The following CATSPERG variants were observed in gnomAD, a reference collection of about 807,000 sequenced individuals.
CATSPERG encodes the protein cation channel sperm-associated auxiliary subunit gamma.
Under a neutral mutation model 145.0 loss-of-function variants are expected in CATSPERG, and 115 were observed. The ratio of observed to expected loss-of-function variants is 0.79; its 90% CI spans 0.68 to 0.93. CATSPERG has a LOEUF of 0.93. CATSPERG is among the 40% of genes least tolerant of loss of function. The pLI is 0.00. For missense variants in CATSPERG, 1,296 were observed against 1,490.1 expected, an observed-to-expected ratio of 0.87 and a Z score of 2.14; for synonymous variants, 588 against 589.0, an observed-to-expected ratio of 1.00 and a Z score of 0.02.
At chr19:38,359,953 G>A (rs1970315379) in intron 14 of CATSPERG, 1 of 1,046,974 alleles carries the variant, frequency 9.6e-7, no homozygotes, top group South Asian at 3.4e-5. Flanking sequence ...GCCCCGTCTG[G>A]GGGCTTGTGC....
chr19:38,346,656 C>T (rs1171909789), intron 7 of CATSPERG, 51 bp downstream of exon 7: 4 of 1,493,614 alleles, frequency 2.7e-6, no homozygotes, highest in Admixed American at 4.1e-5. Flanking sequence ...GGGAGCTGGG[C>T]CTCAGCCCCT....
At position 38,368,253 on chromosome 19, in the gene CATSPERG, T is replaced by C. The variant is rs540331943; in HGVS notation, c.3020+116T>C. On this transcript the variant is annotated intron_variant, in intron 26 of 28. Coordinates refer to ENST00000409235, the MANE Select transcript of CATSPERG (RefSeq NM_021185.5). ...CCCCAAGTCACACTGACTGCCTTTGTGTTACTTAAATGGGGCTGAACTTTG... is the reference window on the plus strand; with the variant it reads ...CCCCAAGTCACACTGACTGCCTTTGCGTTACTTAAATGGGGCTGAACTTTG... 10 of 843,172 alleles carry C rather than the reference T, an allele frequency of 1.2e-5. 1 individual carries two copies. The South Asian group carries it at 1.5e-4, about 13-fold the overall frequency. The allele number at this position is 843,172 out of a possible 1,614,324, so 52.2% of individuals were successfully genotyped here.
At chr19:38,356,246 C>T (rs1970240353) in intron 9 of CATSPERG, among the ~76,000 whole-genome samples, 1 of 152,066 alleles carries the variant, frequency 6.6e-6, no homozygotes, top group Admixed American at 6.6e-5. Context: ...CCAGAGTAAA[C>T]TCTGATCGGC....
intron 7 of CATSPERG, 89 bp from the exon 8 acceptor site, chr19:38,352,172 G>A (rs968572928): frequency 1.4e-5 from 18 of 1,323,158 alleles, no homozygotes; most frequent in Non-Finnish European, 1.9e-5. Context: ...CTCCCAAGCA[G>A]CTGTCAGAGC....
At chr19:38,347,779 A>G (rs896988325) in intron 7 of CATSPERG, among the ~76,000 whole-genome samples, 2 of 152,022 alleles carry the variant, frequency 1.3e-5, no homozygotes, top group African/African-American at 4.8e-5. Flanking sequence ...TGTCTCTACT[A>G]GAAGTACAAA....
intron 11 of CATSPERG, among the ~76,000 whole-genome samples, chr19:38,357,654 T>C (rs1012055434): frequency 1.3e-5 from 2 of 151,558 alleles, no homozygotes; most frequent in Non-Finnish European, 1.5e-5. Flanking sequence ...TCATCTCTAC[T>C]AAAAATACAA....
At chr19:38,368,613 A>T (rs914659229) in intron 26 of CATSPERG, among the ~76,000 whole-genome samples, 1 of 152,204 alleles carries the variant, frequency 6.6e-6, no homozygotes, top group Non-Finnish European at 1.5e-5. Flanking sequence ...GCAAGATCTC[A>T]GCTCACTGCA....
At chr19:38,343,319 G>C (rs1969969167) in intron 3 of CATSPERG, among the ~76,000 whole-genome samples, 1 of 152,034 alleles carries the variant, frequency 6.6e-6, no homozygotes, top group Non-Finnish European at 1.5e-5. Flanking sequence ...TGCACATTCT[G>C]TCTGCAGACA....
Position 38,361,825 on chromosome 19 carries a change from C to G in CATSPERG, c.2058C>G (p.Val686=). Residue 686 remains valine, a synonymous_variant, in exon 17 of 29, where the codon GTC becomes GTG. Coordinates refer to ENST00000409235, the MANE Select transcript of CATSPERG (RefSeq NM_021185.5). ...CGCTCGCCATCTACCAGGGCCTGGT[C>G]TACTACCTGCTGTGGCTGCACTCCG... is the stretch of plus-strand genomic sequence containing the variant. The part of the protein sequence containing the change: ...ENSLAIYQGL[V]YYLLWLHSVY... The G allele has an allele frequency of 6.2e-7, 1 of 1,612,086 alleles. No homozygotes were observed. The highest frequency in any genetic ancestry group is 8.5e-7 in the Non-Finnish European group (1 of 1,179,292).
rs1011151673 is a variant in CATSPERG, at chr19:38,358,740, T to A, written c.1496+179T>A. ...ACCGTTAGGGTAGTCAGTGCTGGGATGGGGGAAGCCAATGTTTTAAAGCTG... is the reference window on the plus strand; with the variant it reads ...ACCGTTAGGGTAGTCAGTGCTGGGAAGGGGGAAGCCAATGTTTTAAAGCTG... On this transcript the variant is annotated intron_variant, in intron 13 of 28. Transcript: ENST00000409235. Among the ~76,000 whole-genome samples, 11 of 152,204 alleles carry A rather than the reference T, an allele frequency of 7.2e-5. 1 individual carries two copies. Among genetic ancestry groups the A allele is most frequent in the Admixed American group, 7.2e-4 (11 of 15,278 alleles).
intron 3 of CATSPERG, 34 bp from the exon 4 acceptor site, chr19:38,343,546 T>G (rs747022344): frequency 1.1e-5 from 16 of 1,517,116 alleles, no homozygotes; most frequent in Non-Finnish European, 1.4e-5. Flanking sequence ...GAGGCTACCA[T>G]AAGGACACAC....
At chr19:38,359,664 G>A in intron 14 of CATSPERG, 83 bp downstream of exon 14, 1 of 1,502,974 alleles carries the variant, frequency 6.7e-7, no homozygotes, top group Non-Finnish European at 8.9e-7. Flanking sequence ...TCACAGTAAA[G>A]GAGCCAAGGG....
chr19:38,339,647 CT>C (rs893814744), intron 3 of CATSPERG, among the ~76,000 whole-genome samples: 4 of 151,364 alleles, frequency 2.6e-5, no homozygotes, highest in Non-Finnish European at 4.4e-5. Flanking sequence ...AAATTTTTTT[CT>C]TTTTTTTGCT....
chr19:38,370,735 G>T lies in CATSPERG; in HGVS notation c.3423G>T (p.Arg1141Ser), dbSNP rs768111105. The T allele has an allele frequency of 3.7e-6, 6 of 1,614,068 alleles. No individual in the cohort carries two copies. Among genetic ancestry groups the T allele is most frequent in the Non-Finnish European group, 5.1e-6 (6 of 1,180,032 alleles). The change falls in exon 29 of 29, where the codon AGG (arginine) becomes AGT (serine). Residue 1141 changes from arginine to serine, a missense_variant. By Grantham distance (110) the Arg-to-Ser change is moderately radical. Transcript: ENST00000409235. ...GGATGGGCTCCATGTTCAGCTCCAG[G>T]ATGACAGAGGACAGGGCTGAACCCA... ...HSRMGSMFSS[R>S]MTEDRAEPKE...
intron 7 of CATSPERG, among the ~76,000 whole-genome samples, chr19:38,351,436 G>A (rs1970137546): frequency 6.6e-6 from 1 of 151,954 alleles, no homozygotes; most frequent in African/African-American, 2.4e-5. Flanking sequence ...GTGAAACCCT[G>A]TCTCTACTAA....
intron 22 of CATSPERG, chr19:38,366,582 G>C (rs1255318246): frequency 1.3e-5 from 2 of 153,434 alleles, no homozygotes; most frequent in Admixed American, 1.3e-4. Context: ...TGCATGGGGT[G>C]GGGGGACATC....
At chr19:38,354,603 C>T in intron 8 of CATSPERG, 107 bp from the exon 9 acceptor site, 1 of 1,336,210 alleles carries the variant, frequency 7.5e-7, no homozygotes. Flanking sequence ...GGTGCTTCAG[C>T]ATGAGAGGAC....
In CATSPERG at chr19:38,360,825, A is replaced by G. The variant is rs574110592; in HGVS notation, c.1862A>G (p.Tyr621Cys). The stretch of plus-strand genomic sequence containing the variant: ...ATGTATCAACAGCACACCAGCCACT[A>G]TGACTTGGAGCGGAAAGGGTGAGAA... Reference protein sequence around the residue: ...LLMYQQHTSHYDLERKGGYLM... With the variant: ...LLMYQQHTSHCDLERKGGYLM... Residue 621 changes from tyrosine (Y) to cysteine (C), a missense_variant, in exon 16 of 29, where the codon TAT (tyrosine) becomes TGT (cysteine). Physicochemically the swap from Tyr to Cys is radical, Grantham distance 194. Coordinates refer to ENST00000409235, the MANE Select transcript of CATSPERG (RefSeq NM_021185.5). 53 of 1,611,676 alleles carry G rather than the reference A, an allele frequency of 3.3e-5. No homozygotes were observed. The highest frequency in any genetic ancestry group is 4.0e-5 in the Non-Finnish European group (47 of 1,178,840).
At chr19:38,338,386 G>A (rs1298469868) in intron 3 of CATSPERG, among the ~76,000 whole-genome samples, 1 of 152,060 alleles carries the variant, frequency 6.6e-6, no homozygotes, top group Non-Finnish European at 1.5e-5. Context: ...CTGACCTCGT[G>A]ATCCGCCCGC....
Sources: gnomAD v4.1 joint callset for allele counts (sites outside exome capture counted in the v4.1 genomes callset) on GRCh38, gnomAD v4.1.1 for gene constraint, MANE v1.5 for transcripts, NCBI Gene and HGNC (gene_info 2026-07-23, HGNC 2026-07-21) for gene names.